Variants in PREP observed in about 807,000 individuals in gnomAD.
PREP encodes prolyl endopeptidase, also known as dJ355L5.1 (prolyl endopeptidase).
In PREP, 29 loss-of-function variants were observed where a neutral mutation model predicts 87.6. The ratio of observed to expected loss-of-function variants is 0.33; its 90% CI spans 0.25 to 0.45. The LOEUF (loss-of-function observed/expected upper bound fraction) is 0.45, where lower values mean the gene tolerates loss of function less well. Among genes scored for constraint, PREP ranks in the 20% least tolerant of loss-of-function variants. PREP has a pLI of 1.00. For synonymous variants in PREP, 337 were observed against 328.6 expected (o/e 1.03, Z -0.28); for missense variants, 695 against 886.5 (o/e 0.78, Z 2.74).
chr6:105,343,045 C>A (rs868311118), intron 7 of PREP, among the ~76,000 whole-genome samples: 81 of 152,222 alleles, frequency 5.3e-4, no homozygotes, highest in Admixed American at 9.2e-4. Context: ...TCATATGGAA[C>A]CAAAAAAGAG....
rs116772438 is a variant in PREP, at chr6:105,285,433, A to G, written c.1549+53T>C. 9.8e-4 allele frequency: 1,507 copies of G among 1,544,682 alleles called. 15 individuals are homozygous for G. In the African/African-American group the frequency reaches 0.018, roughly 19 times the overall value. Reference sequence around the variant, plus strand: ...TCATTCAAACAGGAAGGATCAGCACAACCTTAGCTTTGATTATGTCAGACT... The same window carrying G: ...TCATTCAAACAGGAAGGATCAGCACGACCTTAGCTTTGATTATGTCAGACT... On this transcript the variant is annotated intron_variant, in intron 12 of 14. Coordinates refer to ENST00000652536, the MANE Select transcript of PREP (RefSeq NM_002726.5).
rs373524030 is a variant in PREP at position 105,342,034 on chromosome 6, C to T, written c.824-8529G>A. Among the ~76,000 whole-genome samples the T allele has an allele frequency of 2.4e-3, 369 of 152,230 alleles. 4 individuals are homozygous for T. The highest frequency in any genetic ancestry group is 8.2e-3 in the African/African-American group (342 of 41,546). On this transcript the variant is annotated intron_variant, in intron 7 of 14. Transcript: ENST00000652536. The stretch of plus-strand genomic sequence containing the variant: ...AGGGAATCCTCCCTAACTCATTTTA[C>T]GAGGCCAGCATCATCCTGATACCAA...
At chr6:105,370,933 A>G (rs1277114867) in intron 5 of PREP, among the ~76,000 whole-genome samples, 1 of 152,232 alleles carries the variant, frequency 6.6e-6, no homozygotes, top group African/African-American at 2.4e-5. Context: ...GTATGATACT[A>G]CAACACTGGA....
chr6:105,386,290 G>A (rs1231645988), intron 2 of PREP, among the ~76,000 whole-genome samples: 1 of 152,136 alleles, frequency 6.6e-6, no homozygotes, highest in African/African-American at 2.4e-5. Flanking sequence ...GTTGCTAGAG[G>A]GAGCAGAGTA....
At chr6:105,387,775 T>C (rs1401330579) in intron 2 of PREP, among the ~76,000 whole-genome samples, 2 of 152,220 alleles carry the variant, frequency 1.3e-5, no homozygotes, top group Non-Finnish European at 2.9e-5. Context: ...TAGACAAGCT[T>C]GTGCTACAAG....
At chr6:105,350,567 TA>T (rs1771920085) in intron 7 of PREP, among the ~76,000 whole-genome samples, 1 of 152,202 alleles carries the variant, frequency 6.6e-6, no homozygotes, top group Non-Finnish European at 1.5e-5. Flanking sequence ...TTTTCAATAG[TA>T]AAACAATCAC....
At position 105,402,985 on chromosome 6, in the gene PREP, A is replaced by C. The variant is rs1773475812; in HGVS notation, c.-94T>G. 1.7e-6 allele frequency: 1 copy of C among 585,768 alleles called. No homozygotes were observed. Among genetic ancestry groups the C allele is most frequent in the Non-Finnish European group, 2.5e-6 (1 of 405,814 alleles). The allele number at this position is 585,768 out of a possible 1,614,324, so 36.3% of individuals were successfully genotyped here. A position where few individuals can be genotyped will look rare whatever the true frequency, so the allele number is the denominator to read the frequency against. ...TGGCCGCGAGGCGCGGCTGGGGCGC[A>C]GGCAGCTGCGGGGCGGCCGGCGGCA... On this transcript the variant is annotated 5_prime_UTR_variant, in exon 1 of 15. Coordinates refer to ENST00000652536, the MANE Select transcript of PREP (RefSeq NM_002726.5).
intron 6 of PREP, among the ~76,000 whole-genome samples, chr6:105,357,619 T>A (rs150656471): frequency 1.3e-5 from 2 of 152,204 alleles, no homozygotes; most frequent in African/African-American, 4.8e-5. Context: ...TGTAAGTCAC[T>A]GTTGCCCCAA....
chr6:105,378,068 C>T (rs1772735279), intron 2 of PREP, among the ~76,000 whole-genome samples: 1 of 152,114 alleles, frequency 6.6e-6, no homozygotes, highest in Admixed American at 6.6e-5. Flanking sequence ...TTAGGGATAC[C>T]CAGGCGCTAT....
chr6:105,317,573 G>A (rs570652831), intron 10 of PREP, among the ~76,000 whole-genome samples: 5 of 152,212 alleles, frequency 3.3e-5, no homozygotes, highest in Non-Finnish European at 5.9e-5. Flanking sequence ...AGGCAGCTAT[G>A]AAATTAGGGA....
In PREP at chr6:105,333,454, T is replaced by C. The variant is rs771912921; in HGVS notation, c.875A>G (p.Tyr292Cys). The change falls in exon 8 of 15, where the codon TAC becomes TGC. Residue 292 changes from tyrosine (Y) to cysteine (C), a missense_variant. Around this residue, in one of 5 missense-constraint regions of PREP, gnomAD observed 517 missense variants for 620.3 expected, o/e 0.83. Transcript: ENST00000652536. Reference sequence around the variant, plus strand: ...GAACACCGTCCCCTCATTGGTCACGTAGTCATATTCCCCTTCAAAGTTGTC... The same window carrying C: ...GAACACCGTCCCCTCATTGGTCACGCAGTCATATTCCCCTTCAAAGTTGTC... ...LIDNFEGEYDYVTNEGTVFTF... is the reference protein window; with the variant it reads ...LIDNFEGEYDCVTNEGTVFTF... 10 of 1,614,084 alleles carry C rather than the reference T, an allele frequency of 6.2e-6. No individual in the cohort carries two copies. The highest frequency in any genetic ancestry group is 1.1e-5 in the South Asian group (1 of 91,090).
chr6:105,305,955 C>T (rs1027668526), intron 10 of PREP, among the ~76,000 whole-genome samples: 14 of 151,984 alleles, frequency 9.2e-5, no homozygotes, highest in South Asian at 2.1e-4. Flanking sequence ...GATCCTTGTG[C>T]CTCCGTCTCC....
chr6:105,352,999 G>C lies in PREP; in HGVS notation c.796C>G (p.Leu266Val). 1.2e-6 allele frequency: 2 copies of C among 1,613,868 alleles called. No homozygotes were observed. Among genetic ancestry groups the C allele is most frequent in the South Asian group, 2.2e-5 (2 of 91,060 alleles). ...DPVNRLWYCD[L>V]QQESSGIAGI... ...GCGATGCCACTGGATTCCTGCTGTA[G>C]GTCACAGTACCAGAGTCGGTTTACT... Residue 266 changes from leucine (L) to valine (V), a missense_variant, in exon 7 of 15, where the codon CTA becomes GTA. Physicochemically the swap from Leu to Val is conservative, Grantham distance 32 (BLOSUM62 1). Around this residue, in one of 5 missense-constraint regions of PREP, gnomAD observed 517 missense variants for 620.3 expected, o/e 0.83. Coordinates refer to ENST00000652536, the MANE Select transcript of PREP (RefSeq NM_002726.5).
chr6:105,332,300 C>T (rs923794687), intron 8 of PREP, among the ~76,000 whole-genome samples: 1 of 151,978 alleles, frequency 6.6e-6, no homozygotes, highest in African/African-American at 2.4e-5. Flanking sequence ...CCCCTGCCAC[C>T]CCCAAGCAAC....
intron 1 of PREP, 23 bp from the exon 2 acceptor site, chr6:105,397,950 TTAGA>T: frequency 6.6e-7 from 1 of 1,525,672 alleles, no homozygotes; most frequent in Non-Finnish European, 9.1e-7. Flanking sequence ...AAATGAGGTA[TTAGA>T]TAATTACTCT....
rs1206843087 is a variant in PREP, at chr6:105,350,633, T to C, written c.823+2339A>G. On this transcript the variant is annotated intron_variant, in intron 7 of 14. Transcript: ENST00000652536. ...GATCATTGATTCAAAATGAAACCAG[T>C]GATCAATTAAAAAGCAAACAAACAA... 1.3e-5 allele frequency among the ~76,000 whole-genome samples: 2 copies of C among 152,220 alleles called. 1 individual carries two copies. Among genetic ancestry groups the C allele is most frequent in the South Asian group, 4.1e-4 (2 of 4,834 alleles).
At chr6:105,396,809 A>G (rs910290873) in intron 2 of PREP, among the ~76,000 whole-genome samples, 5 of 152,272 alleles carry the variant, frequency 3.3e-5, no homozygotes, top group Non-Finnish European at 5.9e-5. Context: ...CTATGGTTAT[A>G]AATAGAAGAA....
At chr6:105,294,019 G>A (rs1463759303) in intron 10 of PREP, among the ~76,000 whole-genome samples, 1 of 152,150 alleles carries the variant, frequency 6.6e-6, no homozygotes, top group Non-Finnish European at 1.5e-5. Context: ...CTTTGGGAGT[G>A]TTTCCTTTCT....
At chr6:105,304,739 T>G (rs1338149087) in intron 10 of PREP, among the ~76,000 whole-genome samples, 1 of 151,982 alleles carries the variant, frequency 6.6e-6, no homozygotes, top group Non-Finnish European at 1.5e-5. Flanking sequence ...GAAAAGGTAG[T>G]TTGAATGGTG....
Sources: allele counts gnomAD v4.1 joint callset (sites outside exome capture counted in the v4.1 genomes callset), GRCh38; gene constraint gnomAD v4.1.1; regional missense constraint gnomAD v4.1.1; transcripts MANE v1.5; gene names NCBI Gene and HGNC (gene_info 2026-07-23, HGNC 2026-07-21).